TREML4: variants seen among roughly 807,000 people sequenced by gnomAD.
TREML4 encodes the protein triggering receptor expressed on myeloid cells like 4, also known as trem-like transcript 4 protein.
TREML4 carries 25 observed loss-of-function variants against 25.4 expected under a neutral mutation model. That is an observed-to-expected ratio of 0.98 (90% CI 0.72 to 1.37). The LOEUF is 1.37. Among genes scored for constraint, TREML4 ranks in the 40% most tolerant of loss-of-function variants. The pLI is 0.00. For missense variants in TREML4, 268 were observed against 236.5 expected (o/e 1.13, Z -0.87); for synonymous variants, 92 against 87.9 (o/e 1.05, Z -0.26).
chr6:41,236,877 T>A (rs1766915535), intron 5 of TREML4, among the ~76,000 whole-genome samples, 178 bp from the exon 6 acceptor site: 1 of 147,584 alleles, frequency 6.8e-6, no homozygotes, highest in Admixed American at 6.8e-5. Flanking sequence ...AGGACAAAGC[T>A]GAGAGTGCCT....
chr6:41,229,095 A>C, intron 2 of TREML4, 51 bp downstream of exon 2: 3 of 1,505,502 alleles, frequency 2.0e-6, no homozygotes, highest in Non-Finnish European at 2.7e-6. Context: ...CAGGGACCTG[A>C]AGGAAATGTC....
intron 2 of TREML4, 24 bp downstream of exon 2, chr6:41,229,068 A>G: frequency 6.3e-7 from 1 of 1,586,300 alleles, no homozygotes. Flanking sequence ...TTGAGGAAAT[A>G]CCTCTGTGCC....
At chr6:41,233,484 T>C (rs1346028616) in intron 4 of TREML4, among the ~76,000 whole-genome samples, 1 of 152,304 alleles carries the variant, frequency 6.6e-6, no homozygotes, top group East Asian at 1.9e-4. Flanking sequence ...ATTATGTCTA[T>C]AACATTTGTT....
intron 4 of TREML4, among the ~76,000 whole-genome samples, chr6:41,232,058 A>G (rs1347025619): frequency 6.6e-6 from 1 of 150,976 alleles, no homozygotes; most frequent in Non-Finnish European, 1.5e-5. Flanking sequence ...GATAAGAATT[A>G]GACTTCTTAA....
chr6:41,236,910 G>A (rs1766916121), intron 5 of TREML4, 145 bp from the exon 6 acceptor site: 1 of 188,302 alleles, frequency 5.3e-6, no homozygotes, highest in Admixed American at 5.8e-5. Context: ...TAGGAGACAG[G>A]AAGGGGCAGG....
At chr6:41,236,760 A>G (rs1582119696) in intron 5 of TREML4, 143 bp downstream of exon 5, 1 of 567,760 alleles carries the variant, frequency 1.8e-6, no homozygotes, top group East Asian at 3.0e-5. Flanking sequence ...TTTCCTTGCA[A>G]TCTCTGCCTT....
At position 41,238,330 on chromosome 6, in the gene TREML4, T is replaced by A. The variant is rs1188501872; in HGVS notation, c.*1311T>A. ...GAATGTATTCTTGTAAAACATCCAG[T>A]ATTTTTTTTTCTGTGACTATGTTTT... On this transcript the variant is annotated 3_prime_UTR_variant, in exon 6 of 6. Coordinates refer to ENST00000341495, the MANE Select transcript of TREML4 (RefSeq NM_198153.3). 1 of 152,228 alleles carries A rather than the reference T, an allele frequency of 6.6e-6. No individual in the cohort carries two copies. Among genetic ancestry groups the A allele is most frequent in the African/African-American group, 2.4e-5 (1 of 41,474 alleles). The allele number at this position is 152,228 out of a possible 1,614,324, so 9.4% of individuals were successfully genotyped here.
rs368766535 is a variant in TREML4 at position 41,237,066 on chromosome 6, C to T, written c.*47C>T. The T allele has an allele frequency of 1.9e-5, 3 of 156,358 alleles. No individual in the cohort carries two copies. The highest frequency in any genetic ancestry group is 2.0e-4 in the South Asian group (1 of 5,108). The allele number at this position is 156,358 out of a possible 1,614,324, so 9.7% of individuals were successfully genotyped here. Reference sequence around the variant, plus strand: ...TTGCCCCATCTCAGGACAGCAGTGACGAGGTTTCTGATTGTCCCAGCACAG... The same window carrying T: ...TTGCCCCATCTCAGGACAGCAGTGATGAGGTTTCTGATTGTCCCAGCACAG... On this transcript the variant is annotated 3_prime_UTR_variant, in exon 6 of 6. Coordinates refer to ENST00000341495, the MANE Select transcript of TREML4 (RefSeq NM_198153.3).
At chr6:41,236,672 C>A in intron 5 of TREML4, 55 bp downstream of exon 5, 1 of 1,013,296 alleles carries the variant, frequency 9.9e-7, no homozygotes, top group Non-Finnish European at 1.5e-6. Flanking sequence ...AGATTCTGTT[C>A]CTAGAAAGAT....
intron 4 of TREML4, chr6:41,232,225 A>G: frequency 5.8e-6 from 1 of 173,772 alleles, no homozygotes; most frequent in Non-Finnish European, 1.3e-5. Flanking sequence ...GCCACATGCA[A>G]ACATCCCCAC....
chr6:41,236,546 A>C lies in TREML4; in HGVS notation c.567A>C (p.Leu189=), dbSNP rs1766906675. 1.2e-6 allele frequency: 2 copies of C among 1,613,998 alleles called. No individual in the cohort carries two copies. The highest frequency in any genetic ancestry group is 1.7e-6 in the Non-Finnish European group (2 of 1,179,964). The change falls in exon 5 of 6, where the codon CTA becomes CTC. Residue 189 remains leucine, a synonymous_variant. Coordinates refer to ENST00000341495, the MANE Select transcript of TREML4 (RefSeq NM_198153.3). ...SGGPRFLVLV[L]CGLLLAKGLM... ...GCCCCAGATTCCTGGTCTTGGTGCT[A>C]TGTGGACTCCTCCTGGCCAAGGGCC...
chr6:41,229,587 C>A lies in TREML4; in HGVS notation c.445+16C>A. ...ACAAGCACAGGTAGGTTGGAGGCCT[C>A]GGTGGGGGAAGATTAGAAGGGTCAC... On this transcript the variant is annotated intron_variant, in intron 3 of 5. Coordinates refer to ENST00000341495, the MANE Select transcript of TREML4 (RefSeq NM_198153.3). 6.2e-7 allele frequency: 1 copy of A among 1,613,460 alleles called. No homozygotes were observed. Among genetic ancestry groups the A allele is most frequent in the Non-Finnish European group, 8.5e-7 (1 of 1,179,614 alleles).
intron 4 of TREML4, chr6:41,232,469 G>A (rs1352806204): frequency 8.1e-6 from 2 of 246,204 alleles, no homozygotes; most frequent in East Asian, 2.1e-4. Context: ...ACCAGAGACT[G>A]GCTTCGCAGA....
At chr6:41,234,402 G>T (rs992828550) in intron 4 of TREML4, among the ~76,000 whole-genome samples, 2 of 151,856 alleles carry the variant, frequency 1.3e-5, no homozygotes, top group African/African-American at 4.8e-5. Context: ...TGGAACACGA[G>T]CATCAGAGCA....
At chr6:41,230,908 T>C (rs1561901769) in intron 4 of TREML4, among the ~76,000 whole-genome samples, 2 of 152,202 alleles carry the variant, frequency 1.3e-5, no homozygotes, top group African/African-American at 4.8e-5. Context: ...CCTCTTTCCA[T>C]AGCTTGCATT....
chr6:41,233,794 G>A (rs9296358), intron 4 of TREML4, among the ~76,000 whole-genome samples: 50,996 of 150,754 alleles, frequency 0.34, 8,600 homozygotes, highest in Middle Eastern at 0.42. Context: ...ATTTTATTAG[G>A]TATTTATAAT....
chr6:41,234,458 G>T (rs6921279), intron 4 of TREML4, among the ~76,000 whole-genome samples: 51,364 of 151,642 alleles, frequency 0.34, 8,695 homozygotes, highest in Middle Eastern at 0.43. Flanking sequence ...GGAGATCAAA[G>T]AAATTCATAA....
rs1766725467 is a variant in TREML4 at position 41,228,706 on chromosome 6, G to A, written c.64-8G>A. 1.9e-6 allele frequency: 3 copies of A among 1,608,478 alleles called. No individual in the cohort carries two copies. The highest frequency in any genetic ancestry group is 2.2e-5 in the East Asian group (1 of 44,828). ...CCTGGGTTTCTTTCTGCCGGTTCCT[G>A]GGTAAAGGGTGCTGTGCCTGAAGAA... is the stretch of plus-strand genomic sequence containing the variant. On this transcript the variant is annotated splice_polypyrimidine_tract_variant and splice_region_variant and intron_variant, in intron 1 of 5. Coordinates refer to ENST00000341495, the MANE Select transcript of TREML4 (RefSeq NM_198153.3).
rs571044619 is a variant in TREML4 at position 41,228,913 on chromosome 6, A to T, written c.263A>T (p.Asn88Ile). Residue 88 changes from asparagine (N) to isoleucine (I), a missense_variant, in exon 2 of 6, where the codon AAT (asparagine) becomes ATT (isoleucine). Physicochemically the swap from Asn to Ile is moderately radical, Grantham distance 149. Transcript: ENST00000341495. ...KSHYTIWDKP[N>I]AGFFNITMIQ... is the part of the protein sequence containing the mutation. Reference sequence around the variant, plus strand: ...CATTACACAATCTGGGACAAGCCCAATGCTGGCTTCTTCAACATCACCATG... The same window carrying T: ...CATTACACAATCTGGGACAAGCCCATTGCTGGCTTCTTCAACATCACCATG... 2 of 1,614,188 alleles carry T rather than the reference A, an allele frequency of 1.2e-6. No individual in the cohort carries two copies. Among genetic ancestry groups the T allele is most frequent in the Admixed American group, 1.7e-5 (1 of 60,024 alleles).
Sources: gnomAD v4.1 joint callset for allele counts (sites outside exome capture counted in the v4.1 genomes callset) on GRCh38, gnomAD v4.1.1 for gene constraint, MANE v1.5 for transcripts, NCBI Gene and HGNC (gene_info 2026-07-23, HGNC 2026-07-21) for gene names.